Variants in P3H2 observed in about 807,000 individuals in gnomAD.
The protein encoded by P3H2 is leprecan-like 1.
Under a neutral mutation model 87.0 loss-of-function variants are expected in P3H2, and 80 were observed. That is an observed-to-expected ratio of 0.92 (90% confidence interval 0.77 to 1.11). The LOEUF is 1.11. Among genes scored for constraint, P3H2 ranks in the 50% least tolerant of loss-of-function variants. The probability of loss-of-function intolerance (pLI) is 0.00; values close to 1 mark genes in which losing one functional copy is unlikely to be tolerated. For missense variants in P3H2, 1,001 were observed against 923.9 expected (o/e 1.08, Z -1.08); for synonymous variants, 367 against 359.3 (o/e 1.02, Z -0.24).
intron 1 of P3H2, among the ~76,000 whole-genome samples, chr3:190,105,238 G>A (rs1711785167): frequency 6.6e-6 from 1 of 152,192 alleles, no homozygotes; most frequent in Non-Finnish European, 1.5e-5. Flanking sequence ...TCTCAGAATA[G>A]TGTGAGGAAA....
chr3:190,051,055 A>C (rs1340078256), intron 1 of P3H2, among the ~76,000 whole-genome samples: 1 of 152,204 alleles, frequency 6.6e-6, no homozygotes, highest in Non-Finnish European at 1.5e-5. Context: ...TCATAGCTAT[A>C]GGTAGTGCAG....
chr3:189,986,046 G>T (rs1723685334), intron 6 of P3H2, among the ~76,000 whole-genome samples: 1 of 152,184 alleles, frequency 6.6e-6, no homozygotes, highest in South Asian at 2.1e-4. Flanking sequence ...TGGAAAAGCG[G>T]AGTGAAGTCA....
intron 14 of P3H2, among the ~76,000 whole-genome samples, chr3:189,960,519 C>A (rs1449055999): frequency 6.6e-6 from 1 of 152,130 alleles, no homozygotes; most frequent in African/African-American, 2.4e-5. Flanking sequence ...AGAAATTGAT[C>A]TTTTAAAGCT....
rs773118990 is a variant in P3H2, at chr3:189,995,284, G to A, written c.633+6C>T. 1.9e-6 allele frequency: 3 copies of A among 1,613,980 alleles called. No homozygotes were observed. Among genetic ancestry groups the A allele is most frequent in the Non-Finnish European group, 2.5e-6 (3 of 1,179,912 alleles). On this transcript the variant is annotated splice_donor_region_variant and intron_variant, in intron 2 of 14. Transcript: ENST00000319332. Reference sequence around the variant, plus strand: ...TGTGGTGAGGGCAGGGGCCCACAGAGCTTACCATGTGTGGCTTGGCTTCTC... The same window carrying A: ...TGTGGTGAGGGCAGGGGCCCACAGAACTTACCATGTGTGGCTTGGCTTCTC...
chr3:190,063,990 C>CTTTT (rs770967128), intron 1 of P3H2, among the ~76,000 whole-genome samples: 26 of 124,212 alleles, frequency 2.1e-4, no homozygotes, highest in African/African-American at 4.4e-4. Flanking sequence ...TTAGAATAAA[C>CTTTT]TTTTTTTTTT....
intron 1 of P3H2, among the ~76,000 whole-genome samples, chr3:190,035,498 T>C (rs1386435484): frequency 1.3e-5 from 2 of 151,934 alleles, no homozygotes; most frequent in East Asian, 1.9e-4. Flanking sequence ...AAATCCTTCA[T>C]TTTTTTTTCT....
chr3:189,996,284 A>G (rs1006691648), intron 1 of P3H2, among the ~76,000 whole-genome samples: 1 of 152,222 alleles, frequency 6.6e-6, no homozygotes, highest in Non-Finnish European at 1.5e-5. Context: ...AGCCATAAAA[A>G]ATAATGAAAT....
intron 1 of P3H2, among the ~76,000 whole-genome samples, chr3:190,065,947 G>C (rs1159070033): frequency 6.6e-6 from 1 of 151,864 alleles, no homozygotes; most frequent in Admixed American, 6.6e-5. Context: ...TTTCCATCTT[G>C]ATTTCATTGT....
chr3:190,116,853 T>A (rs1197228855), intron 1 of P3H2, among the ~76,000 whole-genome samples: 1 of 152,212 alleles, frequency 6.6e-6, no homozygotes, highest in Admixed American at 6.5e-5. Context: ...AGGAGCCACG[T>A]GAAACTACTG....
At chr3:189,985,497 TTAGAG>T (rs958457586) in intron 6 of P3H2, among the ~76,000 whole-genome samples, 1 of 151,354 alleles carries the variant, frequency 6.6e-6, no homozygotes, top group Non-Finnish European at 1.5e-5. Flanking sequence ...CTATGAGACT[TTAGAG>T]TAGTCACTAA....
At position 189,970,945 on chromosome 3, in the gene P3H2, G is replaced by A. The variant is rs571567235; in HGVS notation, c.1818-54C>T. 1.0e-5 allele frequency: 10 copies of A among 997,832 alleles called. No homozygotes were observed. The South Asian group carries it at 1.2e-4, about 12-fold the overall frequency. The allele number at this position is 997,832 out of a possible 1,614,324, so 61.8% of individuals were successfully genotyped here. On this transcript the variant is annotated intron_variant, in intron 12 of 14. Coordinates refer to ENST00000319332, the MANE Select transcript of P3H2 (RefSeq NM_018192.4). The stretch of plus-strand genomic sequence containing the variant: ...ATTATTATATGCTTATGAGAGCATG[G>A]TCATAGAATACTGAAGACTGGTGAT...
intron 14 of P3H2, among the ~76,000 whole-genome samples, chr3:189,962,877 G>C (rs1042026648): frequency 1.3e-5 from 2 of 152,208 alleles, no homozygotes; most frequent in African/African-American, 4.8e-5. Flanking sequence ...AGGAAAACTG[G>C]ATAGAATGCC....
rs1291645535 is a variant in P3H2 at position 190,120,681 on chromosome 3, TAGCAGCGGC to T, written c.42_50del (p.Pro15_Leu17del). 1.3e-6 allele frequency: 2 copies of T among 1,522,358 alleles called. No homozygotes were observed. The highest frequency in any genetic ancestry group is 1.4e-5 in the African/African-American group (1 of 71,222). The allele number at this position is 1,522,358 out of a possible 1,614,324, so 94.3% of individuals were successfully genotyped here. On this transcript the variant is annotated inframe_deletion, in exon 1 of 15. Transcript: ENST00000319332. Reference sequence around the variant, plus strand: ...GGCCGCCCCACAGTGGCGGCGGCAGTAGCAGCGGCAGCAGCAGCAGCAGCGGCGGCGCCC... The same window carrying T: ...GGCCGCCCCACAGTGGCGGCGGCAGTAGCAGCAGCAGCAGCGGCGGCGCCC...
intron 1 of P3H2, among the ~76,000 whole-genome samples, chr3:190,003,748 T>G (rs1335923946): frequency 6.6e-6 from 1 of 152,164 alleles, no homozygotes; most frequent in Non-Finnish European, 1.5e-5. Context: ...TGGTTCTAAA[T>G]GCTAGGACAG....
chr3:190,096,693 A>G (rs915390067), intron 1 of P3H2, among the ~76,000 whole-genome samples: 2 of 152,228 alleles, frequency 1.3e-5, no homozygotes, highest in African/African-American at 4.8e-5. Context: ...TGGAAACAGT[A>G]TTCTCACACC....
rs368017023 is a variant in P3H2 at position 190,008,965 on chromosome 3, AG to A, written c.481-13524del. On this transcript the variant is annotated intron_variant, in intron 1 of 14. Coordinates refer to ENST00000319332, the MANE Select transcript of P3H2 (RefSeq NM_018192.4). ...AAATTCTATAAGTATTCAAAGTAGG[AG>A]AAAGAACTTCTGAATAGATGGATCT... Among the ~76,000 whole-genome samples, 352 of 152,228 alleles carry A rather than the reference AG, an allele frequency of 2.3e-3. 2 individuals are homozygous for A. The highest frequency in any genetic ancestry group is 7.9e-3 in the African/African-American group (329 of 41,512).
chr3:190,102,448 A>G (rs1711663444), intron 1 of P3H2, among the ~76,000 whole-genome samples: 1 of 152,256 alleles, frequency 6.6e-6, no homozygotes, highest in African/African-American at 2.4e-5. Flanking sequence ...CTCATGGATG[A>G]TTTCGAGGAA....
At chr3:189,989,242 C>T (rs561764801) in intron 3 of P3H2, among the ~76,000 whole-genome samples, 20 of 152,310 alleles carry the variant, frequency 1.3e-4, no homozygotes, top group African/African-American at 4.6e-4. Context: ...ATCACTAGAA[C>T]GACAGTAGAT....
chr3:190,004,773 G>A (rs961403831), intron 1 of P3H2, among the ~76,000 whole-genome samples: 2 of 152,094 alleles, frequency 1.3e-5, no homozygotes, highest in South Asian at 2.1e-4. Context: ...ATTTTGTTGT[G>A]ATAACACTTG....
Sources: gnomAD v4.1 joint callset for allele counts (sites outside exome capture counted in the v4.1 genomes callset) on GRCh38, gnomAD v4.1.1 for gene constraint, MANE v1.5 for transcripts, NCBI Gene and HGNC (gene_info 2026-07-23, HGNC 2026-07-21) for gene names.